The following SH2D4B variants were observed in gnomAD, a reference collection of about 807,000 sequenced individuals.
SH2D4B encodes SH2 domain containing 4B.
A neutral mutation model predicts 61.5 loss-of-function variants in SH2D4B; 45 were observed. That is an observed-to-expected ratio of 0.73 (90% CI 0.58 to 0.94). The LOEUF is 0.94. SH2D4B is among the 40% of genes least tolerant of loss of function. SH2D4B has a pLI of 0.00. For missense variants in SH2D4B, 572 were observed against 574.2 expected (o/e 1.00, Z 0.04); for synonymous variants, 224 against 220.4 (o/e 1.02, Z -0.14).
chr10:80,618,156 G>A (rs1207623157), intron 6 of SH2D4B, among the ~76,000 whole-genome samples: 1 of 152,210 alleles, frequency 6.6e-6, no homozygotes, highest in Non-Finnish European at 1.5e-5. Context: ...TCACCACAGA[G>A]GGAAAAATAA....
At chr10:80,569,781 TA>T (rs1204373614) in intron 1 of SH2D4B, among the ~76,000 whole-genome samples, 1 of 152,184 alleles carries the variant, frequency 6.6e-6, no homozygotes, top group Non-Finnish European at 1.5e-5. Flanking sequence ...TAGCTCGGCC[TA>T]TGTGCGGAGG....
intron 1 of SH2D4B, among the ~76,000 whole-genome samples, chr10:80,550,092 G>T (rs963675622): frequency 6.6e-6 from 1 of 152,128 alleles, no homozygotes; most frequent in Non-Finnish European, 1.5e-5. Context: ...TGGGGGAAAG[G>T]GGTCCCTGGA....
chr10:80,636,321 G>A (rs1009290682), intron 7 of SH2D4B, among the ~76,000 whole-genome samples: 1 of 152,178 alleles, frequency 6.6e-6, no homozygotes, highest in Non-Finnish European at 1.5e-5. Flanking sequence ...TCAGTAATGG[G>A]ATCGCTGGGT....
intron 4 of SH2D4B, among the ~76,000 whole-genome samples, chr10:80,594,773 T>C (rs1373217245): frequency 1.3e-5 from 2 of 152,200 alleles, no homozygotes; most frequent in Non-Finnish European, 2.9e-5. Context: ...GTGTTTTCAT[T>C]GTTTTATGGA....
intron 6 of SH2D4B, among the ~76,000 whole-genome samples, chr10:80,632,236 C>G (rs7920718): frequency 0.027 from 4,085 of 152,066 alleles, 195 homozygotes; most frequent in African/African-American, 0.094. Context: ...GATTACAGGT[C>G]TGAGCTATTA....
intron 3 of SH2D4B, among the ~76,000 whole-genome samples, chr10:80,572,642 C>T (rs1307122076): frequency 1.3e-5 from 2 of 151,658 alleles, no homozygotes; most frequent in African/African-American, 2.4e-5. Flanking sequence ...TTTTTTGAGA[C>T]GGAGTCTTGC....
rs146523565 is a variant in SH2D4B at position 80,595,220 on chromosome 10, G to A, written c.643+6443G>A. On this transcript the variant is annotated intron_variant, in intron 4 of 7. Transcript: ENST00000646907. ...CCAGGCCCAGAACAGAGATTATCCT[G>A]TATGCAGATGCCTCAGAGTAGCAAT... 7.6e-3 allele frequency among the ~76,000 whole-genome samples: 1,164 copies of A among 152,242 alleles called. 17 individuals are homozygous for A. Among genetic ancestry groups the A allele is most frequent in the Middle Eastern group, 0.027 (8 of 294 alleles).
At position 80,644,080 on chromosome 10, in the gene SH2D4B, G is replaced by A. The variant is rs113555087; in HGVS notation, c.1297G>A (p.Glu433Lys). The change falls in exon 8 of 8, where the codon GAA (glutamate) becomes AAA (lysine). Residue 433 changes from glutamate to lysine, a missense_variant. Coordinates refer to ENST00000646907, the MANE Select transcript of SH2D4B (RefSeq NM_001388272.1). The stretch of plus-strand genomic sequence containing the variant: ...CCCACCAGACTACCATCTGTTGTTT[G>A]AATAATTTTTTTCCTTATCAATTGG... ...DSPPDYHLLF[E>K] 5.2e-4 allele frequency: 833 copies of A among 1,613,402 alleles called. 1 individual carries two copies. In the African/African-American group the frequency reaches 5.2e-3, roughly 10 times the overall value.
intron 4 of SH2D4B, among the ~76,000 whole-genome samples, chr10:80,594,246 A>G (rs769055895): frequency 3.3e-5 from 5 of 152,126 alleles, no homozygotes; most frequent in Admixed American, 6.6e-5. Context: ...TGAGATGATC[A>G]TATGTTTTTT....
chr10:80,571,389 A>G (rs1220251489), intron 2 of SH2D4B, 42 bp from the exon 3 acceptor site: 2 of 1,579,232 alleles, frequency 1.3e-6, no homozygotes, highest in Non-Finnish European at 8.6e-7. Flanking sequence ...GTGGTCCTTC[A>G]GTTTTTCACA....
intron 6 of SH2D4B, among the ~76,000 whole-genome samples, chr10:80,632,919 T>TG (rs1229365856): frequency 6.6e-6 from 1 of 151,578 alleles, no homozygotes; most frequent in African/African-American, 2.4e-5. Flanking sequence ...AGAGCTTGGC[T>TG]GGGGAGGGGT....
rs139605896 is a variant in SH2D4B, at chr10:80,634,924, A to G, written c.1209+419A>G. Among the ~76,000 whole-genome samples, 825 of 152,248 alleles carry G rather than the reference A, an allele frequency of 5.4e-3. 5 individuals carry two copies. Among genetic ancestry groups the G allele is most frequent in the African/African-American group, 0.019 (779 of 41,542 alleles). On this transcript the variant is annotated intron_variant, in intron 7 of 7. Transcript: ENST00000646907. ...AGAGTTAGCTGAAGTGCAGTAGGCAACCCTGTGATTAGAGAAGCTTTTCTA... is the reference window on the plus strand; with the variant it reads ...AGAGTTAGCTGAAGTGCAGTAGGCAGCCCTGTGATTAGAGAAGCTTTTCTA...
At chr10:80,593,820 GT>G (rs899819010) in intron 4 of SH2D4B, among the ~76,000 whole-genome samples, 1 of 151,836 alleles carries the variant, frequency 6.6e-6, no homozygotes, top group African/African-American at 2.4e-5. Context: ...GTTTTGTTTT[GT>G]TTTTTTGAGA....
At chr10:80,604,067 C>T (rs1277983280) in intron 5 of SH2D4B, among the ~76,000 whole-genome samples, 2 of 152,154 alleles carry the variant, frequency 1.3e-5, no homozygotes, top group African/African-American at 4.8e-5. Flanking sequence ...ACCTTCTTCC[C>T]CCTCAAATAT....
At chr10:80,540,883 T>C (rs371386222) in intron 1 of SH2D4B, 3 of 1,551,660 alleles carry the variant, frequency 1.9e-6, no homozygotes, top group Non-Finnish European at 2.6e-6. Context: ...AGGAATCTTC[T>C]CTTCCTTCCC....
At chr10:80,550,047 T>C (rs563464298) in intron 1 of SH2D4B, among the ~76,000 whole-genome samples, 1 of 149,074 alleles carries the variant, frequency 6.7e-6, no homozygotes, top group South Asian at 2.1e-4. Context: ...CTTGCAGCCT[T>C]AGTCAGCTAA....
At chr10:80,598,458 GT>G (rs1426229278) in intron 4 of SH2D4B, among the ~76,000 whole-genome samples, 2 of 152,162 alleles carry the variant, frequency 1.3e-5, no homozygotes, top group Non-Finnish European at 2.9e-5. Flanking sequence ...TTCAGGCCCT[GT>G]GGTTTTAGTT....
chr10:80,599,629 G>T (rs1842422898), intron 4 of SH2D4B, among the ~76,000 whole-genome samples: 1 of 152,174 alleles, frequency 6.6e-6, no homozygotes, highest in Non-Finnish European at 1.5e-5. Context: ...GGCGTTGCCC[G>T]CAGGCTTCAG....
rs187419910 is a variant in SH2D4B at position 80,621,500 on chromosome 10, A to G, written c.988+11949A>G. On this transcript the variant is annotated intron_variant, in intron 6 of 7. Transcript: ENST00000646907. ...TAAAGATAATCCTATCTCTGGTGTA[A>G]GAGTCTCAGTTTAACTGTGATTTTC... 8.3e-4 allele frequency among the ~76,000 whole-genome samples: 126 copies of G among 152,362 alleles called. 3 individuals are homozygous for G. Among genetic ancestry groups the G allele is most frequent in the Admixed American group, 8.1e-3 (124 of 15,306 alleles).
Sources: gnomAD v4.1 joint callset for allele counts (sites outside exome capture counted in the v4.1 genomes callset) on GRCh38, gnomAD v4.1.1 for gene constraint, MANE v1.5 for transcripts, NCBI Gene and HGNC (gene_info 2026-07-23, HGNC 2026-07-21) for gene names.